The following MTDH variants were observed in gnomAD, a reference collection of about 807,000 sequenced individuals.
MTDH encodes the protein protein LYRIC.
Under a neutral mutation model 72.7 loss-of-function variants are expected in MTDH, and 34 were observed. The ratio of observed to expected loss-of-function variants is 0.47; its 90% CI spans 0.36 to 0.62. The LOEUF (loss-of-function observed/expected upper bound fraction) is 0.62. Among genes scored for constraint, MTDH ranks in the 20% least tolerant of loss-of-function variants. The probability of loss-of-function intolerance (pLI) is 0.00; values close to 1 mark genes in which losing one functional copy is unlikely to be tolerated. For synonymous variants in MTDH, 266 were observed against 268.9 expected (o/e 0.99, Z 0.10); for missense variants, 677 against 699.4 (o/e 0.97, Z 0.36).
rs933447342 is a variant in MTDH at position 97,687,661 on chromosome 8, A to G, written c.745+56A>G. On this transcript the variant is annotated intron_variant, in intron 4 of 11. Coordinates refer to ENST00000336273, the MANE Select transcript of MTDH (RefSeq NM_178812.4). ...ATCAAATCAAACTCCTTTTATTCGG[A>G]TGTACAAAATATCATTATGTCAAAA... 5 of 1,378,686 alleles carry G rather than the reference A, an allele frequency of 3.6e-6. No individual in the cohort carries two copies. In the African/African-American group the frequency reaches 5.9e-5, roughly 16 times the overall value. 85.4% of individuals were successfully genotyped at this position (1,378,686 alleles called of 1,614,324 possible). A position where few individuals can be genotyped will look rare whatever the true frequency, so the allele number is the denominator to read the frequency against.
intron 8 of MTDH, among the ~76,000 whole-genome samples, chr8:97,712,342 A>G (rs1417975204): frequency 6.6e-6 from 1 of 151,866 alleles, no homozygotes; most frequent in African/African-American, 2.4e-5. Flanking sequence ...TGGCCTTGGT[A>G]TGTTTTGTTT....
Position 97,729,292 on chromosome 8 carries a change from G to C in MTDH, c.*4622G>C, listed in dbSNP as rs1815471483. ...AGCTAGAAACTTCCTATCGGCATCT[G>C]AGCCAGCTGGTAGAGGGCATTACCT... On this transcript the variant is annotated 3_prime_UTR_variant, in exon 12 of 12. Transcript: ENST00000336273. Among the ~76,000 whole-genome samples, 1 of 151,976 alleles carries C rather than the reference G, an allele frequency of 6.6e-6. No individual in the cohort carries two copies. Among genetic ancestry groups the C allele is most frequent in the African/African-American group, 2.4e-5 (1 of 41,386 alleles).
chr8:97,652,311 C>T (rs1811804249), intron 1 of MTDH, among the ~76,000 whole-genome samples: 1 of 152,228 alleles, frequency 6.6e-6, no homozygotes. Context: ...TCTTTCACAA[C>T]CCAGCGCCTT....
chr8:97,646,597 TC>T (rs1271428019), intron 1 of MTDH, among the ~76,000 whole-genome samples: 1 of 152,216 alleles, frequency 6.6e-6, no homozygotes, highest in East Asian at 1.9e-4. Context: ...AGACAGGTTC[TC>T]CAAGAACCCA....
chr8:97,698,463 C>T (rs1327633011), intron 6 of MTDH, among the ~76,000 whole-genome samples: 3 of 152,206 alleles, frequency 2.0e-5, no homozygotes, highest in Admixed American at 1.3e-4. Context: ...TAGACTGCCA[C>T]AGCTTTCATC....
chr8:97,722,901 C>T lies in MTDH; in HGVS notation c.1544C>T (p.Ala515Val). Reference sequence around the variant, plus strand: ...TAGCCTATCAAGACTCTTCCACCTGCTACTTCTACCGAGCCATCTGTAATC... The same window carrying T: ...TAGCCTATCAAGACTCTTCCACCTGTTACTTCTACCGAGCCATCTGTAATC... Reference protein sequence around the residue: ...NSQPIKTLPPATSTEPSVILS... With the variant: ...NSQPIKTLPPVTSTEPSVILS... The change falls in exon 11 of 12, where the codon GCT (alanine) becomes GTT (valine). Residue 515 changes from alanine to valine, a missense_variant. Ala to Val is a moderately conservative substitution (Grantham distance 64). This residue lies in a region of MTDH where 201 missense variants were observed against 204.5 expected (regional missense o/e 0.98). Transcript: ENST00000336273. 6.2e-7 allele frequency: 1 copy of T among 1,612,316 alleles called. No individual in the cohort carries two copies. The highest frequency in any genetic ancestry group is 8.5e-7 in the Non-Finnish European group (1 of 1,179,452).
Position 97,687,560 on chromosome 8 carries a change from C to A in MTDH, c.700C>A (p.Gln234Lys). The change falls in exon 4 of 12, where the codon CAA (glutamine) becomes AAA (lysine). Residue 234 changes from glutamine to lysine, a missense_variant. Gln to Lys is a moderately conservative substitution (Grantham distance 53, BLOSUM62 1). Transcript: ENST00000336273. ...IENTITVTTE[Q>K]LTTASFPVGS... ...AAATACCATCACAGTTACCACCGAG[C>A]AACTTACAACCGCATCATTTCCTGT... 6.2e-7 allele frequency: 1 copy of A among 1,611,338 alleles called. No homozygotes were observed. Among genetic ancestry groups the A allele is most frequent in the Admixed American group, 1.7e-5 (1 of 59,344 alleles).
At chr8:97,682,654 A>T (rs1210625727) in intron 2 of MTDH, among the ~76,000 whole-genome samples, 1 of 152,032 alleles carries the variant, frequency 6.6e-6, no homozygotes, top group Non-Finnish European at 1.5e-5. Flanking sequence ...TTTAAGCCTA[A>T]TCTAAGATAA....
intron 2 of MTDH, among the ~76,000 whole-genome samples, chr8:97,662,559 G>A (rs549895613): frequency 2.6e-5 from 4 of 151,888 alleles, no homozygotes; most frequent in Non-Finnish European, 4.4e-5. Flanking sequence ...CCCAAGGCAG[G>A]TGGATCGCCT....
At chr8:97,699,459 T>C (rs960898495) in intron 6 of MTDH, among the ~76,000 whole-genome samples, 1 of 151,760 alleles carries the variant, frequency 6.6e-6, no homozygotes, top group Non-Finnish European at 1.5e-5. Context: ...AGAGAGAAAT[T>C]TATAGGTAAC....
In MTDH at chr8:97,726,468, G is replaced by A. The variant is rs1815355295; in HGVS notation, c.*1798G>A. ...TTTGTAAAGGTACCACAAAGGAGAA[G>A]TTGATAGGGAATCTAATTTTAGAAT... On this transcript the variant is annotated 3_prime_UTR_variant, in exon 12 of 12. Transcript: ENST00000336273. 1 of 152,218 alleles carries A rather than the reference G, an allele frequency of 6.6e-6. No individual in the cohort carries two copies. Among genetic ancestry groups the A allele is most frequent in the South Asian group, 2.1e-4 (1 of 4,830 alleles). The allele number at this position is 152,218 out of a possible 1,614,324, so 9.4% of individuals were successfully genotyped here. A position where few individuals can be genotyped will look rare whatever the true frequency, so the allele number is the denominator to read the frequency against.
rs541405231 is a variant in MTDH at position 97,670,136 on chromosome 8, G to A, written c.483+8963G>A. ...TTGAGACCAGCTTGGGCAACATGGCGAAACCTCGTCTCTATTAAAAATACA... is the reference window on the plus strand; with the variant it reads ...TTGAGACCAGCTTGGGCAACATGGCAAAACCTCGTCTCTATTAAAAATACA... On this transcript the variant is annotated intron_variant, in intron 2 of 11. Coordinates refer to ENST00000336273, the MANE Select transcript of MTDH (RefSeq NM_178812.4). Among the ~76,000 whole-genome samples, 28 of 152,072 alleles carry A rather than the reference G, an allele frequency of 1.8e-4. No individual in the cohort carries two copies. The South Asian group carries it at 5.2e-3, about 28-fold the overall frequency.
intron 2 of MTDH, among the ~76,000 whole-genome samples, chr8:97,668,680 G>A (rs111825025): frequency 0.046 from 7,004 of 151,460 alleles, 532 homozygotes; most frequent in African/African-American, 0.16. Context: ...TCAGCCTCCC[G>A]AGTAGCTGGG....
chr8:97,663,885 C>A lies in MTDH; in HGVS notation c.483+2712C>A, dbSNP rs1442116314. Among the ~76,000 whole-genome samples the A allele has an allele frequency of 2.6e-5, 4 of 151,952 alleles. No homozygotes were observed. The East Asian group carries it at 7.7e-4, about 29-fold the overall frequency. On this transcript the variant is annotated intron_variant, in intron 2 of 11. Transcript: ENST00000336273. ...AATGAGAAATTTGAGGCTTATGTTA[C>A]CTGAGCTATTGAAAGTATAGTCAGT...
intron 6 of MTDH, among the ~76,000 whole-genome samples, chr8:97,692,772 C>G (rs1395632022): frequency 1.3e-5 from 2 of 151,946 alleles, no homozygotes; most frequent in African/African-American, 4.8e-5. Flanking sequence ...CTCTGTTACC[C>G]AGGCTGGAGT....
chr8:97,644,460 C>T lies in MTDH; in HGVS notation c.-47C>T. ...GCTTCCCTCGACTATTCCACTGCGT[C>T]TCCGCGCCCCGGCGTCATCCTGCGA... On this transcript the variant is annotated 5_prime_UTR_variant, in exon 1 of 12. Coordinates refer to ENST00000336273, the MANE Select transcript of MTDH (RefSeq NM_178812.4). The T allele has an allele frequency of 6.6e-7, 1 of 1,525,504 alleles. No individual in the cohort carries two copies. Among genetic ancestry groups the T allele is most frequent in the Non-Finnish European group, 8.7e-7 (1 of 1,144,522 alleles). The allele number at this position is 1,525,504 out of a possible 1,614,324, so 94.5% of individuals were successfully genotyped here. A position where few individuals can be genotyped will look rare whatever the true frequency, so the allele number is the denominator to read the frequency against.
intron 6 of MTDH, among the ~76,000 whole-genome samples, chr8:97,694,267 G>A (rs1037670246): frequency 1.3e-5 from 2 of 150,434 alleles, no homozygotes; most frequent in Admixed American, 6.6e-5. Context: ...GCACGATCTC[G>A]GCTCACCACA....
At chr8:97,657,049 G>A (rs1812004608) in intron 1 of MTDH, among the ~76,000 whole-genome samples, 2 of 151,888 alleles carry the variant, frequency 1.3e-5, no homozygotes, top group South Asian at 4.1e-4. Flanking sequence ...CTGCTATGTG[G>A]CCCCCTCTTA....
rs71271145 is a variant in MTDH at position 97,708,264 on chromosome 8, C to CTTTTTT, written c.1272+1544_1272+1549dup. On this transcript the variant is annotated intron_variant, in intron 8 of 11. Transcript: ENST00000336273. ...ACAGGCATGAGCCACCATGCCAGGC[C>CTTTTTT]TTTTTTTTTTTTTTTTTTTTTTTTT... Among the ~76,000 whole-genome samples, 93 of 32,072 alleles carry CTTTTTT rather than the reference C, an allele frequency of 2.9e-3. 8 individuals carry two copies. Among genetic ancestry groups the CTTTTTT allele is most frequent in the East Asian group, 9.8e-3 (9 of 918 alleles). The allele number at this position is 32,072 out of a possible 152,430, so 21.0% of individuals were successfully genotyped here. A position where few individuals can be genotyped will look rare whatever the true frequency, so the allele number is the denominator to read the frequency against.
Sources: allele counts gnomAD v4.1 joint callset (sites outside exome capture counted in the v4.1 genomes callset), GRCh38; gene constraint gnomAD v4.1.1; regional missense constraint gnomAD v4.1.1; transcripts MANE v1.5; gene names NCBI Gene and HGNC (gene_info 2026-07-23, HGNC 2026-07-21).